The following WWOX variants were observed in gnomAD, a reference collection of about 807,000 sequenced individuals.
WWOX encodes WW domain-containing oxidoreductase.
Under a neutral mutation model 46.2 loss-of-function variants are expected in WWOX, and 69 were observed. The observed-to-expected ratio is 1.49, with a 90% CI of 1.23 to 1.82. The LOEUF (loss-of-function observed/expected upper bound fraction) is 1.82, where lower values mean the gene tolerates loss of function less well. Ranked by LOEUF, WWOX falls within the 40% of genes most tolerant of loss-of-function variation. The pLI is 0.00. For synonymous variants in WWOX, 359 were observed against 202.6 expected (o/e 1.77, Z -6.56); for missense variants, 919 against 542.6 (o/e 1.69, Z -6.89).
intron 5 of WWOX, among the ~76,000 whole-genome samples, chr16:78,345,557 T>TTGAG (rs35651519): frequency 1.1e-5 from 1 of 91,986 alleles, no homozygotes; most frequent in African/African-American, 3.8e-5. Context: ...GGTGGGAAGT[T>TTGAG]TGAACCTGGG....
chr16:78,839,968 G>C (rs1243040041), intron 8 of WWOX, among the ~76,000 whole-genome samples: 1 of 152,178 alleles, frequency 6.6e-6, no homozygotes, highest in Non-Finnish European at 1.5e-5. Context: ...TGAGCAAGTT[G>C]CTTCATTTTC....
intron 6 of WWOX, among the ~76,000 whole-genome samples, chr16:78,422,850 C>CACAT (rs1555536428): frequency 1.1e-5 from 1 of 93,254 alleles, no homozygotes. Context: ...CATATACACA[C>CACAT]ACACACACAC....
chr16:78,624,422 A>G (rs1183181595), intron 8 of WWOX, among the ~76,000 whole-genome samples: 1 of 152,274 alleles, frequency 6.6e-6, no homozygotes, highest in Middle Eastern at 3.4e-3. Flanking sequence ...TTTAGAGTGC[A>G]TTAACTTCTT....
intron 8 of WWOX, among the ~76,000 whole-genome samples, chr16:79,163,453 A>C (rs191529157): frequency 6.6e-6 from 1 of 152,258 alleles, no homozygotes; most frequent in East Asian, 1.9e-4. Flanking sequence ...GCATACAGAA[A>C]ACTTTGGACA....
intron 8 of WWOX, among the ~76,000 whole-genome samples, chr16:78,623,716 C>G (rs1486522467): frequency 7.2e-6 from 1 of 138,414 alleles, no homozygotes; most frequent in East Asian, 2.1e-4. Flanking sequence ...GCCTGGGCAA[C>G]AGAGTCAGAC....
At chr16:78,470,804 C>G (rs1025718895) in intron 8 of WWOX, among the ~76,000 whole-genome samples, 1 of 152,190 alleles carries the variant, frequency 6.6e-6, no homozygotes, top group African/African-American at 2.4e-5. Flanking sequence ...GCTGGGATTA[C>G]AGTCATGAGT....
intron 8 of WWOX, among the ~76,000 whole-genome samples, chr16:78,713,343 G>A (rs1211237827): frequency 1.3e-5 from 2 of 148,656 alleles, no homozygotes; most frequent in African/African-American, 5.0e-5. Flanking sequence ...GGCATGGTGT[G>A]AGCTGGAGTA....
At chr16:78,838,923 G>C (rs1483336093) in intron 8 of WWOX, among the ~76,000 whole-genome samples, 1 of 152,088 alleles carries the variant, frequency 6.6e-6, no homozygotes, top group East Asian at 1.9e-4. Context: ...GGGTGAGTGG[G>C]AACCAGAGTG....
At chr16:78,540,020 T>TCTCACACACA (rs369075883) in intron 8 of WWOX, among the ~76,000 whole-genome samples, 2 of 132,854 alleles carry the variant, frequency 1.5e-5, no homozygotes, top group African/African-American at 6.0e-5. Context: ...TCTCTCTCTC[T>TCTCACACACA]CACACACACA....
chr16:78,298,817 C>T (rs1012946529), intron 5 of WWOX, among the ~76,000 whole-genome samples: 1 of 151,282 alleles, frequency 6.6e-6, no homozygotes, highest in Non-Finnish European at 1.5e-5. Flanking sequence ...AAATTATGTC[C>T]TTCTAGATTG....
At chr16:78,176,790 T>C (rs2035361639) in intron 5 of WWOX, among the ~76,000 whole-genome samples, 1 of 152,102 alleles carries the variant, frequency 6.6e-6, no homozygotes, top group African/African-American at 2.4e-5. Context: ...TACATCAAAT[T>C]GCAAGCAATA....
intron 8 of WWOX, among the ~76,000 whole-genome samples, chr16:78,538,560 C>T (rs1051812354): frequency 2.0e-5 from 3 of 152,166 alleles, no homozygotes; most frequent in Non-Finnish European, 2.9e-5. Context: ...ATGCTCTGAA[C>T]TCCTGAACTG....
chr16:78,817,236 G>C (rs2051358088), intron 8 of WWOX, among the ~76,000 whole-genome samples: 1 of 125,182 alleles, frequency 8.0e-6, no homozygotes, highest in Non-Finnish European at 1.6e-5. Flanking sequence ...CAAAGAATAG[G>C]GAAGCTTAGC....
At chr16:78,623,879 T>C (rs1253278750) in intron 8 of WWOX, among the ~76,000 whole-genome samples, 1 of 152,206 alleles carries the variant, frequency 6.6e-6, no homozygotes, top group Non-Finnish European at 1.5e-5. Context: ...CAGAGTCACA[T>C]ATTGTATAGA....
At chr16:78,365,700 C>T (rs2151916759) in intron 5 of WWOX, among the ~76,000 whole-genome samples, 2 of 152,242 alleles carry the variant, frequency 1.3e-5, no homozygotes, top group Admixed American at 1.3e-4. Context: ...AAGAAATAGC[C>T]TCATTAGTAA....
chr16:78,341,391 G>A (rs1208294468), intron 5 of WWOX, among the ~76,000 whole-genome samples: 1 of 120,078 alleles, frequency 8.3e-6, no homozygotes, highest in Non-Finnish European at 2.0e-5. Context: ...GTGTGATTTG[G>A]GATGAAAATT....
intron 8 of WWOX, among the ~76,000 whole-genome samples, chr16:78,990,555 G>T (rs1468379496): frequency 6.6e-6 from 1 of 152,186 alleles, no homozygotes; most frequent in Non-Finnish European, 1.5e-5. Flanking sequence ...TGTTTACACC[G>T]GGGAGCCCCC....
intron 8 of WWOX, among the ~76,000 whole-genome samples, chr16:79,065,924 T>C (rs1003713791): frequency 6.6e-6 from 1 of 152,200 alleles, no homozygotes; most frequent in Non-Finnish European, 1.5e-5. Context: ...CTCCCAGGCA[T>C]TGTTCTTGAA....
intron 8 of WWOX, among the ~76,000 whole-genome samples, chr16:78,611,543 G>T (rs973163066): frequency 3.3e-5 from 5 of 152,184 alleles, no homozygotes; most frequent in Admixed American, 3.3e-4. Flanking sequence ...GGCCAGCTCT[G>T]TATGGCCAGT....
Sources: allele counts gnomAD v4.1 joint callset (sites outside exome capture counted in the v4.1 genomes callset), GRCh38; gene constraint gnomAD v4.1.1; transcripts MANE v1.5; gene names NCBI Gene and HGNC (gene_info 2026-07-23, HGNC 2026-07-21).